The following IMPA2 variants were observed in gnomAD, a reference collection of about 807,000 sequenced individuals.
IMPA2 encodes inositol monophosphatase 2.
IMPA2 carries 32 observed loss-of-function variants against 35.1 expected under a neutral mutation model. The ratio of observed to expected loss-of-function variants is 0.91; its 90% confidence interval spans 0.69 to 1.23. The LOEUF (loss-of-function observed/expected upper bound fraction) is 1.23. IMPA2 is among the 50% of genes most tolerant of loss of function. The pLI is 0.00. For synonymous variants in IMPA2, 135 were observed against 160.6 expected (o/e 0.84, Z 1.20); for missense variants, 334 against 387.6 (o/e 0.86, Z 1.16).
At chr18:11,985,741 G>A (rs940121504) in intron 1 of IMPA2, among the ~76,000 whole-genome samples, 2 of 152,170 alleles carry the variant, frequency 1.3e-5, no homozygotes, top group Non-Finnish European at 2.9e-5. Flanking sequence ...ATGGACAGGG[G>A]AGTATGCCTG....
rs527491732 is a variant in IMPA2 at position 11,991,237 on chromosome 18, G to A, written c.97-7817G>A. On this transcript the variant is annotated intron_variant, in intron 1 of 7. Coordinates refer to ENST00000269159, the MANE Select transcript of IMPA2 (RefSeq NM_014214.3). This position sits in a 1 kb window ranked among gnomAD's most constrained non-coding sequence, Gnocchi z 4.1. ...GGATGTGGGTGACGGGTGGCTGCTG[G>A]CATTGGTATGGAAGGTGCCAGTGCC... Among the ~76,000 whole-genome samples, 1 of 152,214 alleles carries A rather than the reference G, an allele frequency of 6.6e-6. No individual in the cohort carries two copies. Among genetic ancestry groups the A allele is most frequent in the Admixed American group, 6.5e-5 (1 of 15,288 alleles).
chr18:11,997,191 G>C (rs1019067373), intron 1 of IMPA2, among the ~76,000 whole-genome samples: 7 of 152,262 alleles, frequency 4.6e-5, no homozygotes, highest in Admixed American at 3.3e-4. Flanking sequence ...ACCATGGGCA[G>C]ATGCTACGGG....
In IMPA2 at chr18:12,010,749, G is replaced by A. The variant is rs182650237; in HGVS notation, c.335+762G>A. ...TGCACGCCAGCACACTAGGCTGCAC[G>A]CGCTAAGCAGGAAGGGTGAGCAGAG... On this transcript the variant is annotated intron_variant, in intron 3 of 7. Transcript: ENST00000269159. The surrounding 1 kb of genome is among the most constrained non-coding windows in gnomAD (Gnocchi z 4.8). Among the ~76,000 whole-genome samples the A allele has an allele frequency of 5.9e-5, 9 of 152,308 alleles. No individual in the cohort carries two copies. Among genetic ancestry groups the A allele is most frequent in the Non-Finnish European group, 8.8e-5 (6 of 68,024 alleles).
chr18:11,990,575 T>C (rs1160173082), intron 1 of IMPA2, among the ~76,000 whole-genome samples: 1 of 152,146 alleles, frequency 6.6e-6, no homozygotes, highest in Non-Finnish European at 1.5e-5. Flanking sequence ...GTGGGTGTCC[T>C]GCTCGAACTG....
chr18:12,024,693 T>C (rs959225624), intron 5 of IMPA2, among the ~76,000 whole-genome samples: 2 of 152,084 alleles, frequency 1.3e-5, no homozygotes, highest in South Asian at 2.1e-4. Context: ...TTCCCTTCTT[T>C]CCTTTTCCTC....
chr18:12,023,315 C>T (rs1488171817), intron 5 of IMPA2, among the ~76,000 whole-genome samples: 3 of 152,228 alleles, frequency 2.0e-5, no homozygotes, highest in East Asian at 3.9e-4. Flanking sequence ...CAGCTCATGT[C>T]GCTTCTCCAA....
rs772017584 is a variant in IMPA2 at position 12,014,390 on chromosome 18, T to A, written c.490+17T>A. On this transcript the variant is annotated intron_variant, in intron 5 of 7. Transcript: ENST00000269159. ...GGGAGACAGGTGGGCTTCACAACGC[T>A]CGTCTCAGTTTACTTCTGAAATAAA... The A allele has an allele frequency of 2.0e-6, 3 of 1,471,938 alleles. No individual in the cohort carries two copies. The East Asian group carries it at 7.0e-5, about 34-fold the overall frequency. The allele number at this position is 1,471,938 out of a possible 1,614,324, so 91.2% of individuals were successfully genotyped here. A position where few individuals can be genotyped will look rare whatever the true frequency, so the allele number is the denominator to read the frequency against.
chr18:11,991,166 G>T lies in IMPA2; in HGVS notation c.97-7888G>T, dbSNP rs1054479243. ...GATAGGAGGAAAGCCACGAGGGGAG[G>T]CAGGGGCCACAGGCCACGGGCCCTG... On this transcript the variant is annotated intron_variant, in intron 1 of 7. Coordinates refer to ENST00000269159, the MANE Select transcript of IMPA2 (RefSeq NM_014214.3). The surrounding 1 kb of genome is among the most constrained non-coding windows in gnomAD (Gnocchi z 4.1). 3.9e-5 allele frequency among the ~76,000 whole-genome samples: 6 copies of T among 152,198 alleles called. No homozygotes were observed. The highest frequency in any genetic ancestry group is 8.8e-5 in the Non-Finnish European group (6 of 68,034).
rs187181661 is a variant in IMPA2 at position 11,985,273 on chromosome 18, T to C, written c.96+3508T>C. Among the ~76,000 whole-genome samples, 240 of 151,834 alleles carry C rather than the reference T, an allele frequency of 1.6e-3. 2 individuals are homozygous for C. Among genetic ancestry groups the C allele is most frequent in the African/African-American group, 5.3e-3 (221 of 41,416 alleles). ...AAGGTGCTAAGAAATACTGCAAATA[T>C]CACGAAATACACAAAAATAACAATT... On this transcript the variant is annotated intron_variant, in intron 1 of 7. Transcript: ENST00000269159.
At chr18:11,999,432 C>G (rs1907056922) in intron 2 of IMPA2, among the ~76,000 whole-genome samples, 1 of 152,246 alleles carries the variant, frequency 6.6e-6, no homozygotes, top group Non-Finnish European at 1.5e-5. Flanking sequence ...ATTGAAGCAG[C>G]TCTTTTTACA....
At chr18:12,018,843 TAG>T (rs1252656390) in intron 5 of IMPA2, among the ~76,000 whole-genome samples, 13 of 152,316 alleles carry the variant, frequency 8.5e-5, no homozygotes, top group South Asian at 2.1e-4. Context: ...TATTATTTTT[TAG>T]AGACAGTCTT....
rs538303354 is a variant in IMPA2 at position 12,010,095 on chromosome 18, C to T, written c.335+108C>T. ...TTTAAGGCAGGAATATATAAACAAA[C>T]CTATAGTACACTCATAGTCTCATCA... On this transcript the variant is annotated intron_variant, in intron 3 of 7. Transcript: ENST00000269159. This position sits in a 1 kb window ranked among gnomAD's most constrained non-coding sequence, Gnocchi z 4.8. The T allele has an allele frequency of 1.4e-6, 1 of 732,304 alleles. No homozygotes were observed. The highest frequency in any genetic ancestry group is 2.4e-6 in the Non-Finnish European group (1 of 418,484). The allele number at this position is 732,304 out of a possible 1,614,324, so 45.4% of individuals were successfully genotyped here. A position where few individuals can be genotyped will look rare whatever the true frequency, so the allele number is the denominator to read the frequency against.
At chr18:12,013,549 C>T (rs899336667) in intron 4 of IMPA2, among the ~76,000 whole-genome samples, 1 of 152,172 alleles carries the variant, frequency 6.6e-6, no homozygotes, top group African/African-American at 2.4e-5. Flanking sequence ...GAGAGGTGAA[C>T]ACTTGGCTAA....
intron 5 of IMPA2, among the ~76,000 whole-genome samples, chr18:12,024,416 A>C (rs763820219): frequency 6.6e-6 from 1 of 152,208 alleles, no homozygotes; most frequent in East Asian, 1.9e-4. Context: ...CCTGGGAGGC[A>C]GAGGTTGCAG....
intron 1 of IMPA2, among the ~76,000 whole-genome samples, chr18:11,996,869 C>G (rs957433835): frequency 1.3e-5 from 2 of 152,028 alleles, no homozygotes; most frequent in African/African-American, 4.8e-5. Flanking sequence ...CACACACACA[C>G]CCAGAAATCC....
intron 5 of IMPA2, among the ~76,000 whole-genome samples, chr18:12,024,110 T>G (rs1225800610): frequency 6.6e-6 from 1 of 152,210 alleles, no homozygotes; most frequent in Admixed American, 6.6e-5. Flanking sequence ...TGACATAAAT[T>G]GCAGTTATTG....
At chr18:12,014,938 C>A (rs1200996909) in intron 5 of IMPA2, among the ~76,000 whole-genome samples, 1 of 152,198 alleles carries the variant, frequency 6.6e-6, no homozygotes, top group Non-Finnish European at 1.5e-5. Flanking sequence ...GGTTCCCATT[C>A]CCTGCATACT....
At chr18:12,024,846 C>G (rs1048269509) in intron 5 of IMPA2, among the ~76,000 whole-genome samples, 1 of 151,770 alleles carries the variant, frequency 6.6e-6, no homozygotes, top group Non-Finnish European at 1.5e-5. Flanking sequence ...ACCTCCTGTC[C>G]CCACACACGT....
In IMPA2 at chr18:12,014,387, C is replaced by T. The variant is rs201034032; in HGVS notation, c.490+14C>T. 2.7e-5 allele frequency: 40 copies of T among 1,490,766 alleles called. No individual in the cohort carries two copies. Among genetic ancestry groups the T allele is most frequent in the East Asian group, 1.9e-4 (8 of 43,032 alleles). 92.3% of individuals were successfully genotyped at this position (1,490,766 alleles called of 1,614,324 possible). On this transcript the variant is annotated intron_variant, in intron 5 of 7. Coordinates refer to ENST00000269159, the MANE Select transcript of IMPA2 (RefSeq NM_014214.3). ...CCGGGGAGACAGGTGGGCTTCACAA[C>T]GCTCGTCTCAGTTTACTTCTGAAAT...
Sources: allele counts gnomAD v4.1 joint callset (sites outside exome capture counted in the v4.1 genomes callset), GRCh38; gene constraint gnomAD v4.1.1; non-coding constraint Gnocchi (gnomAD v3.1); transcripts MANE v1.5; gene names NCBI Gene and HGNC (gene_info 2026-07-23, HGNC 2026-07-21).